QKI: variants seen among roughly 807,000 people sequenced by gnomAD.
QKI encodes the protein KH domain-containing RNA-binding protein QKI.
A neutral mutation model predicts 39.0 loss-of-function variants in QKI; 10 were observed. The ratio of observed to expected loss-of-function variants is 0.26; its 90% CI spans 0.16 to 0.43. QKI has a LOEUF of 0.43. Among genes scored for constraint, QKI ranks in the 20% least tolerant of loss-of-function variants. QKI has a pLI of 1.00. For missense variants in QKI, 218 were observed against 428.0 expected, an observed-to-expected ratio of 0.51 and a Z score of 4.33; for synonymous variants, 204 against 155.4, an observed-to-expected ratio of 1.31 and a Z score of -2.33.
intron 3 of QKI, among the ~76,000 whole-genome samples, chr6:163,494,452 T>C (rs771529052): frequency 1.3e-5 from 2 of 152,214 alleles, no homozygotes; most frequent in African/African-American, 2.4e-5. Context: ...CTGAAACTTA[T>C]GTGTAACCCT....
intron 3 of QKI, among the ~76,000 whole-genome samples, chr6:163,516,596 A>T (rs1779819218): frequency 6.6e-6 from 1 of 152,188 alleles, no homozygotes; most frequent in South Asian, 2.1e-4. Flanking sequence ...CCCAGCCTAA[A>T]ACTTCATTTT....
chr6:163,490,028 A>G, intron 3 of QKI, among the ~76,000 whole-genome samples: 1 of 152,104 alleles, frequency 6.6e-6, no homozygotes, highest in Non-Finnish European at 1.5e-5. Flanking sequence ...GAACTGTTAC[A>G]GGTTGTTTGT....
At chr6:163,520,357 T>C (rs1008808728) in intron 3 of QKI, among the ~76,000 whole-genome samples, 1 of 152,092 alleles carries the variant, frequency 6.6e-6, no homozygotes, top group African/African-American at 2.4e-5. Flanking sequence ...ATGTAAAAAA[T>C]GGCATTTATT....
rs117669247 is a variant in QKI, at chr6:163,532,326, G to A, written c.403-2656G>A. ...TCTTTGTCTATTTATAATAACATCT[G>A]TATCACTTCTAGATTGGTTTGAGTG... is the stretch of plus-strand genomic sequence containing the variant. On this transcript the variant is annotated intron_variant, in intron 3 of 7. Transcript: ENST00000361752. 1.8e-3 allele frequency among the ~76,000 whole-genome samples: 277 copies of A among 152,272 alleles called. 2 individuals are homozygous for A. Among genetic ancestry groups the A allele is most frequent in the Admixed American group, 2.9e-3 (45 of 15,296 alleles).
chr6:163,464,117 C>G (rs1791553305), intron 2 of QKI, among the ~76,000 whole-genome samples: 1 of 152,168 alleles, frequency 6.6e-6, no homozygotes, highest in Non-Finnish European at 1.5e-5. Flanking sequence ...ATGCAGTGAT[C>G]TGCCTGATTC....
At chr6:163,497,933 A>G (rs1778511452) in intron 3 of QKI, among the ~76,000 whole-genome samples, 1 of 152,080 alleles carries the variant, frequency 6.6e-6, no homozygotes, top group Non-Finnish European at 1.5e-5. Flanking sequence ...TACTTTTGTT[A>G]CTAGCTATCA....
chr6:163,519,167 C>G (rs1347420671), intron 3 of QKI, among the ~76,000 whole-genome samples: 9 of 152,110 alleles, frequency 5.9e-5, no homozygotes, highest in Admixed American at 5.9e-4. Context: ...CAATCAGATT[C>G]ATTTCACTGA....
chr6:163,440,193 CTATCATGA>C (rs1178392039), intron 1 of QKI, among the ~76,000 whole-genome samples: 1 of 152,210 alleles, frequency 6.6e-6, no homozygotes, highest in Non-Finnish European at 1.5e-5. Context: ...GCTTTTCCCA[CTATCATGA>C]TCACTCACTC....
chr6:163,492,545 TGAA>T (rs1356582020), intron 3 of QKI, among the ~76,000 whole-genome samples: 1 of 152,138 alleles, frequency 6.6e-6, no homozygotes, highest in Non-Finnish European at 1.5e-5. Flanking sequence ...TAGCAGATAG[TGAA>T]GAATGTTTTT....
intron 1 of QKI, 143 bp downstream of exon 1, chr6:163,415,478 A>C: frequency 1.1e-5 from 8 of 702,440 alleles, no homozygotes; most frequent in Non-Finnish European, 1.6e-5. Flanking sequence ...AGGGCGCACA[A>C]AGGAGGTGCC....
At chr6:163,506,193 C>T (rs2128233516) in intron 3 of QKI, among the ~76,000 whole-genome samples, 1 of 152,156 alleles carries the variant, frequency 6.6e-6, no homozygotes, top group East Asian at 1.9e-4. Flanking sequence ...ATAAATTACC[C>T]AGTCTCAGGT....
intron 4 of QKI, among the ~76,000 whole-genome samples, chr6:163,547,147 A>T (rs1375317863): frequency 6.6e-6 from 1 of 152,204 alleles, no homozygotes; most frequent in East Asian, 1.9e-4. Flanking sequence ...AAATAAAAAT[A>T]CTTTGATTTT....
chr6:163,446,599 A>G (rs1790172373), intron 1 of QKI, among the ~76,000 whole-genome samples: 1 of 152,222 alleles, frequency 6.6e-6, no homozygotes, highest in Non-Finnish European at 1.5e-5. Flanking sequence ...GCTTCCCCTG[A>G]GTATCCTAAG....
chr6:163,431,556 G>A (rs1218905385), intron 1 of QKI, among the ~76,000 whole-genome samples: 1 of 151,864 alleles, frequency 6.6e-6, no homozygotes, highest in African/African-American at 2.4e-5. Flanking sequence ...AGTAAATTTT[G>A]GAAAGAAAAA....
At position 163,576,220 on chromosome 6, in the gene QKI, A is replaced by T. The variant is rs940255278; in HGVS notation, c.*5510A>T. On this transcript the variant is annotated 3_prime_UTR_variant, in exon 8 of 8. Coordinates refer to ENST00000361752, the MANE Select transcript of QKI (RefSeq NM_006775.3). The stretch of plus-strand genomic sequence containing the variant: ...TGATATGAAGAGATTTACCAACATT[A>T]TATGCACTCGTGCCTTCAATGTGGA... 3.9e-5 allele frequency: 6 copies of T among 152,136 alleles called. No homozygotes were observed. The highest frequency in any genetic ancestry group is 1.2e-4 in the African/African-American group (5 of 41,422). The allele number at this position is 152,136 out of a possible 1,614,324, so 9.4% of individuals were successfully genotyped here.
intron 3 of QKI, among the ~76,000 whole-genome samples, chr6:163,510,259 T>TAAG: frequency 7.1e-6 from 1 of 140,240 alleles, no homozygotes; most frequent in Non-Finnish European, 1.5e-5. Context: ...ATAATAATAA[T>TAAG]AAGTAAACTA....
intron 6 of QKI, chr6:163,566,339 G>A: frequency 1.7e-6 from 2 of 1,195,132 alleles, no homozygotes; most frequent in South Asian, 2.1e-5. Flanking sequence ...GTGGTCTTAA[G>A]GTTAGCAAAT....
chr6:163,547,957 C>T (rs895832306), intron 4 of QKI, among the ~76,000 whole-genome samples: 2 of 152,156 alleles, frequency 1.3e-5, no homozygotes, highest in Non-Finnish European at 2.9e-5. Flanking sequence ...TTATCTTCAT[C>T]TAACATGTGC....
chr6:163,464,197 G>A (rs559305130), intron 2 of QKI, among the ~76,000 whole-genome samples: 9 of 151,676 alleles, frequency 5.9e-5, no homozygotes, highest in East Asian at 3.9e-4. Context: ...ATGATATCTC[G>A]CGCAATACAT....
Sources: gnomAD v4.1 joint callset for allele counts (sites outside exome capture counted in the v4.1 genomes callset) on GRCh38, gnomAD v4.1.1 for gene constraint, MANE v1.5 for transcripts, NCBI Gene and HGNC (gene_info 2026-07-23, HGNC 2026-07-21) for gene names.